KCNQ1OT1: variants seen among roughly 807,000 people sequenced by gnomAD.
The protein encoded by KCNQ1OT1 is KCNQ1 antisense RNA 2 (non-protein coding).
In KCNQ1OT1 at chr11:2,613,126, T is replaced by C. The variant is rs1849008170; in HGVS notation, n.86869A>G. The C allele has an allele frequency of 5.0e-6, 2 of 398,550 alleles. No homozygotes were observed. Among genetic ancestry groups the C allele is most frequent in the Non-Finnish European group, 8.8e-6 (2 of 226,106 alleles). The allele number at this position is 398,550 out of a possible 1,614,324, so 24.7% of individuals were successfully genotyped here. ...TTAAACATCTTGAGCCAGTGAATCT[T>C]CCACCCTCTGCTGAGGGGATCTATG... On this transcript the variant is annotated non_coding_transcript_exon_variant, in exon 1 of 1. Coordinates refer to ENST00000597346, the Ensembl canonical transcript of KCNQ1OT1. The surrounding 1 kb of genome is among the most constrained non-coding windows in gnomAD (Gnocchi z 4.8).
chr11:2,667,604 A>G, exon 1 of KCNQ1OT1: 1 of 398,552 alleles, frequency 2.5e-6, no homozygotes, highest in Non-Finnish European at 4.4e-6. Context: ...GGCGGGGGGC[A>G]CATCCCATAT....
Position 2,651,440 on chromosome 11 carries a change from C to T in KCNQ1OT1, n.48555G>A. ...TGCCCTGTGTGCAGCTCAGCAAGTG[C>T]CTGAAGTCAGAGGTAGTGCTTATGA... is the stretch of plus-strand genomic sequence containing the variant. On this transcript the variant is annotated non_coding_transcript_exon_variant, in exon 1 of 1. Transcript: ENST00000597346. The surrounding 1 kb of genome is among the most constrained non-coding windows in gnomAD (Gnocchi z 6.1). The T allele has an allele frequency of 2.5e-6, 1 of 398,690 alleles. No homozygotes were observed. The highest frequency in any genetic ancestry group is 2.1e-5 in the African/African-American group (1 of 48,752). The allele number at this position is 398,690 out of a possible 1,614,324, so 24.7% of individuals were successfully genotyped here. A position where few individuals can be genotyped will look rare whatever the true frequency, so the allele number is the denominator to read the frequency against.
At chr11:2,629,605 T>C in exon 1 of KCNQ1OT1, 1 of 398,540 alleles carries the variant, frequency 2.5e-6, no homozygotes, top group Non-Finnish European at 4.4e-6. Flanking sequence ...TGCCATTGAA[T>C]GGACATGGCA....
At position 2,677,606 on chromosome 11, in the gene KCNQ1OT1, GTT is replaced by G. The variant is rs1049051966; in HGVS notation, n.22387_22388del. 1.0e-5 allele frequency: 4 copies of G among 398,348 alleles called. No homozygotes were observed. Among genetic ancestry groups the G allele is most frequent in the Admixed American group, 8.8e-5 (2 of 22,706 alleles). 24.7% of individuals were successfully genotyped at this position (398,348 alleles called of 1,614,324 possible). ...ACAAACCAAAATCCCCTCTGGATTT[GTT>G]TTTTTCTAAAACGTGTACATAATTG... is the stretch of plus-strand genomic sequence containing the variant. On this transcript the variant is annotated non_coding_transcript_exon_variant, in exon 1 of 1. Coordinates refer to ENST00000597346, the Ensembl canonical transcript of KCNQ1OT1. This position sits in a 1 kb window ranked among gnomAD's most constrained non-coding sequence, Gnocchi z 4.5.
In KCNQ1OT1 at chr11:2,691,119, G is replaced by A; in HGVS notation, n.8876C>T. 2 of 398,704 alleles carry A rather than the reference G, an allele frequency of 5.0e-6. No homozygotes were observed. The highest frequency in any genetic ancestry group is 8.8e-6 in the Non-Finnish European group (2 of 226,112). The allele number at this position is 398,704 out of a possible 1,614,324, so 24.7% of individuals were successfully genotyped here. ...CCTGACAACAGTAGGGGTGGAGGCT[G>A]TGCAGACCTGGTGCAGAGTCTGTGC... is the stretch of plus-strand genomic sequence containing the variant. On this transcript the variant is annotated non_coding_transcript_exon_variant, in exon 1 of 1. Coordinates refer to ENST00000597346, the Ensembl canonical transcript of KCNQ1OT1. This position sits in a 1 kb window ranked among gnomAD's most constrained non-coding sequence, Gnocchi z 6.4.
At chr11:2,696,202 A>G (rs1850673583) in exon 1 of KCNQ1OT1, 2 of 398,438 alleles carry the variant, frequency 5.0e-6, no homozygotes, top group Non-Finnish European at 8.8e-6. Flanking sequence ...CTGGCCCTGG[A>G]GATTATTCAT....
At chr11:2,649,771 G>C (rs1849729467) in exon 1 of KCNQ1OT1, 1 of 398,382 alleles carries the variant, frequency 2.5e-6, no homozygotes, top group South Asian at 1.3e-4. Flanking sequence ...GTGCCTCAGA[G>C]AGGCCCTTTT....
In KCNQ1OT1 at chr11:2,654,978, T is replaced by C. The variant is rs1188446226; in HGVS notation, n.45017A>G. Reference sequence around the variant, plus strand: ...TGTTTCTTGACTTGGAAAAGTATCATGCAAAATAGAAAACACAGACACAAT... The same window carrying C: ...TGTTTCTTGACTTGGAAAAGTATCACGCAAAATAGAAAACACAGACACAAT... On this transcript the variant is annotated non_coding_transcript_exon_variant, in exon 1 of 1. Coordinates refer to ENST00000597346, the Ensembl canonical transcript of KCNQ1OT1. The surrounding 1 kb of genome is among the most constrained non-coding windows in gnomAD (Gnocchi z 6.4). The C allele has an allele frequency of 2.5e-6, 1 of 398,558 alleles. No homozygotes were observed. Among genetic ancestry groups the C allele is most frequent in the Non-Finnish European group, 4.4e-6 (1 of 226,054 alleles). The allele number at this position is 398,558 out of a possible 1,614,324, so 24.7% of individuals were successfully genotyped here.
exon 1 of KCNQ1OT1, chr11:2,667,441 T>A (rs1421315377): frequency 7.5e-6 from 3 of 398,588 alleles, no homozygotes; most frequent in Non-Finnish European, 1.3e-5. Flanking sequence ...ATGATGCTGC[T>A]CAGGTCCTCA....
chr11:2,674,714 C>T lies in KCNQ1OT1; in HGVS notation n.25281G>A, dbSNP rs1045309516. The T allele has an allele frequency of 2.5e-6, 1 of 398,304 alleles. No homozygotes were observed. Among genetic ancestry groups the T allele is most frequent in the Non-Finnish European group, 4.4e-6 (1 of 226,038 alleles). 24.7% of individuals were successfully genotyped at this position (398,304 alleles called of 1,614,324 possible). A position where few individuals can be genotyped will look rare whatever the true frequency, so the allele number is the denominator to read the frequency against. The stretch of plus-strand genomic sequence containing the variant: ...TTAAACCTTTCCTGATGACTCCTTC[C>T]TTCTGAACTTAACTCGTTAAAGTTG... On this transcript the variant is annotated non_coding_transcript_exon_variant, in exon 1 of 1. Transcript: ENST00000597346. The surrounding 1 kb of genome is among the most constrained non-coding windows in gnomAD (Gnocchi z 5.9).
exon 1 of KCNQ1OT1, chr11:2,648,981 C>CTTTTTTCTTTTT (rs1849710956): frequency 3.3e-5 from 7 of 213,286 alleles, no homozygotes; most frequent in African/African-American, 4.4e-5. Flanking sequence ...TTTTCTTTTT[C>CTTTTTTCTTTTT]TTTTTTTTTT....
exon 1 of KCNQ1OT1, chr11:2,692,565 C>T: frequency 7.5e-6 from 3 of 398,806 alleles, no homozygotes; most frequent in Non-Finnish European, 8.8e-6. Flanking sequence ...GCCACTTTCC[C>T]CAAGGGAGTT....
Position 2,613,722 on chromosome 11 carries a change from C to T in KCNQ1OT1, n.86273G>A, listed in dbSNP as rs1589981899. ...ATTTTTTGAATACATATAACATTAA[C>T]ATACTTCCAAAAGTCAATACTAAAC... On this transcript the variant is annotated non_coding_transcript_exon_variant, in exon 1 of 1. Transcript: ENST00000597346. This position sits in a 1 kb window ranked among gnomAD's most constrained non-coding sequence, Gnocchi z 4.8. 9.0e-5 allele frequency: 36 copies of T among 398,398 alleles called. No individual in the cohort carries two copies. The East Asian group carries it at 1.3e-3, about 14-fold the overall frequency. 24.7% of individuals were successfully genotyped at this position (398,398 alleles called of 1,614,324 possible).
chr11:2,681,069 T>A (rs1477010503), exon 1 of KCNQ1OT1: 1 of 398,636 alleles, frequency 2.5e-6, no homozygotes, highest in East Asian at 3.6e-5. Flanking sequence ...AAAGAGACTT[T>A]GGAAGATTTC....
exon 1 of KCNQ1OT1, chr11:2,628,753 G>C (rs1849302745): frequency 2.5e-6 from 1 of 398,198 alleles, no homozygotes; most frequent in African/African-American, 2.1e-5. Flanking sequence ...TAGGTTTTAT[G>C]GTTTCAGGTC....
At position 2,631,426 on chromosome 11, in the gene KCNQ1OT1, G is replaced by GT. The variant is rs760125033; in HGVS notation, n.68568dup. 2.2e-3 allele frequency: 759 copies of GT among 348,708 alleles called. 1 individual carries two copies. The highest frequency in any genetic ancestry group is 0.017 in the Middle Eastern group (22 of 1,332). 21.6% of individuals were successfully genotyped at this position (348,708 alleles called of 1,614,324 possible). ...TATATTCTTCACCTCCAAAATGTTT[G>GT]TTTTTTTTTTAGGATTTCTATTTCT... On this transcript the variant is annotated non_coding_transcript_exon_variant, in exon 1 of 1. Transcript: ENST00000597346.
chr11:2,620,951 T>TTTC lies in KCNQ1OT1; in HGVS notation n.79043_79044insGAA, dbSNP rs1554898449. 1 of 396,788 alleles carries TTTC rather than the reference T, an allele frequency of 2.5e-6. No individual in the cohort carries two copies. The highest frequency in any genetic ancestry group is 3.6e-5 in the East Asian group (1 of 28,070). The allele number at this position is 396,788 out of a possible 1,614,324, so 24.6% of individuals were successfully genotyped here. A position where few individuals can be genotyped will look rare whatever the true frequency, so the allele number is the denominator to read the frequency against. Reference sequence around the variant, plus strand: ...TTTGTTGTTGTTGTTTTGTTTTGTTTTTTTTTGTCTGTTTTTTGCTTTTTT... The same window carrying TTTC: ...TTTGTTGTTGTTGTTTTGTTTTGTTTTTCTTTTTTGTCTGTTTTTTGCTTTTTT... On this transcript the variant is annotated non_coding_transcript_exon_variant, in exon 1 of 1. Coordinates refer to ENST00000597346, the Ensembl canonical transcript of KCNQ1OT1. The surrounding 1 kb of genome is among the most constrained non-coding windows in gnomAD (Gnocchi z 4.5).
At chr11:2,641,625 A>G (rs991770703) in exon 1 of KCNQ1OT1, 4 of 398,276 alleles carry the variant, frequency 1.0e-5, no homozygotes, top group African/African-American at 8.2e-5. Context: ...TGTTGTGTAC[A>G]AGCTTTATCA....
Position 2,668,514 on chromosome 11 carries a change from G to A in KCNQ1OT1, n.31481C>T, listed in dbSNP as rs1047149402. 2.5e-6 allele frequency: 1 copy of A among 398,582 alleles called. No homozygotes were observed. Among genetic ancestry groups the A allele is most frequent in the South Asian group, 1.3e-4 (1 of 7,854 alleles). 24.7% of individuals were successfully genotyped at this position (398,582 alleles called of 1,614,324 possible). On this transcript the variant is annotated non_coding_transcript_exon_variant, in exon 1 of 1. Coordinates refer to ENST00000597346, the Ensembl canonical transcript of KCNQ1OT1. This position sits in a 1 kb window ranked among gnomAD's most constrained non-coding sequence, Gnocchi z 4.3. ...GGTGAATGTCTAGCAGCATCAAATG[G>A]TGATTTTAATTTGCAGTAACCTGTT...
Sources: gnomAD v4.1 joint callset for allele counts on GRCh38, gnomAD v4.1.1 for gene constraint, Gnocchi (gnomAD v3.1) non-coding constraint, MANE v1.5 for transcripts, NCBI Gene and HGNC (gene_info 2026-07-23, HGNC 2026-07-21) for gene names.